The following ADGRG6 variants were observed in gnomAD, a reference collection of about 807,000 sequenced individuals.
ADGRG6 encodes adhesion G protein-coupled receptor G6.
ADGRG6 carries 84 observed loss-of-function variants against 142.4 expected under a neutral mutation model. That is an observed-to-expected ratio of 0.59 (90% confidence interval 0.49 to 0.71). The LOEUF (loss-of-function observed/expected upper bound fraction) is 0.71. Ranked by LOEUF, ADGRG6 falls within the 30% of genes least tolerant of loss-of-function variation. The pLI is 0.00. For synonymous variants in ADGRG6, 521 were observed against 520.5 expected, an observed-to-expected ratio of 1.00 and a Z score of -0.01; for missense variants, 1,367 against 1,466.6, an observed-to-expected ratio of 0.93 and a Z score of 1.11.
At chr6:142,403,456 C>T (rs914698107) in intron 13 of ADGRG6, among the ~76,000 whole-genome samples, 7 of 152,016 alleles carry the variant, frequency 4.6e-5, no homozygotes, top group Admixed American at 6.6e-5. Flanking sequence ...ACACTTTTAT[C>T]GCATTATTTC....
rs373985685 is a variant in ADGRG6, at chr6:142,370,279, C to G, written c.555C>G (p.Leu185=). 6.8e-6 allele frequency: 11 copies of G among 1,613,644 alleles called. No individual in the cohort carries two copies. The African/African-American group carries it at 8.0e-5, about 12-fold the overall frequency. Residue 185 remains leucine (L), a synonymous_variant, in exon 4 of 25, where the codon CTC becomes CTG. Transcript: ENST00000367609. ...ISIPELSAFT[L]CFEATKVGHE... ...TTCCAGAGCTCAGTGCTTTCACACT[C>G]TGCTTTGAAGCAACCAAAGTTGGCC...
intron 1 of ADGRG6, among the ~76,000 whole-genome samples, chr6:142,308,089 G>T (rs1206550149): frequency 1.3e-5 from 2 of 151,868 alleles, no homozygotes; most frequent in African/African-American, 2.4e-5. Context: ...TGATTTCACT[G>T]TGGACAGAAT....
Position 142,367,831 on chromosome 6 carries a change from A to G in ADGRG6, c.366A>G (p.Ser122=). 6.2e-7 allele frequency: 1 copy of G among 1,613,794 alleles called. No homozygotes were observed. The highest frequency in any genetic ancestry group is 8.5e-7 in the Non-Finnish European group (1 of 1,179,728). The change falls in exon 3 of 25, where the codon TCA becomes TCG. Residue 122 remains serine, a synonymous_variant. Transcript: ENST00000367609. ...GATAKGLSFN[S]SANEMHVSFS... ...CTGCCAAAGGCCTATCATTTAACTC[A>G]AGTGCGAATGAGATGCATGTGTCCT...
chr6:142,353,676 T>C (rs931884357), intron 2 of ADGRG6, among the ~76,000 whole-genome samples: 2 of 152,182 alleles, frequency 1.3e-5, no homozygotes, highest in African/African-American at 4.8e-5. Flanking sequence ...TTAATGAGAT[T>C]TCATGTTTCT....
At chr6:142,416,135 T>A in intron 20 of ADGRG6, 71 bp downstream of exon 20, 1 of 1,165,066 alleles carries the variant, frequency 8.6e-7, no homozygotes, top group South Asian at 1.5e-5. Flanking sequence ...TAGGAAAAAA[T>A]CTTATTTAAA....
Position 142,375,186 on chromosome 6 carries a change from G to A in ADGRG6, c.1069+4393G>A, listed in dbSNP as rs373496051. Among the ~76,000 whole-genome samples the A allele has an allele frequency of 3.3e-5, 5 of 152,246 alleles. No homozygotes were observed. The East Asian group carries it at 9.6e-4, about 29-fold the overall frequency. On this transcript the variant is annotated intron_variant, in intron 4 of 24. Coordinates refer to ENST00000367609, the MANE Select transcript of ADGRG6 (RefSeq NM_198569.3). ...CAGTTCTCATAATTTCTTAAACTCT[G>A]TCCCTGAGACTCCTTTCCCAAGCCT...
chr6:142,380,452 A>G lies in ADGRG6; in HGVS notation c.1070-1499A>G, dbSNP rs78897935. ...TGGGATTAACCACTGGAAGAAAGAC[A>G]GAGGGTTCTAGTGCTCATGGTGTTG... On this transcript the variant is annotated intron_variant, in intron 4 of 24. Coordinates refer to ENST00000367609, the MANE Select transcript of ADGRG6 (RefSeq NM_198569.3). 4.8e-3 allele frequency among the ~76,000 whole-genome samples: 731 copies of G among 152,310 alleles called. 9 individuals carry two copies. The highest frequency in any genetic ancestry group is 0.017 in the African/African-American group (693 of 41,564).
intron 2 of ADGRG6, among the ~76,000 whole-genome samples, chr6:142,352,486 G>A (rs561612615): frequency 6.6e-6 from 1 of 152,238 alleles, no homozygotes; most frequent in African/African-American, 2.4e-5. Flanking sequence ...TGGAAAGAGG[G>A]TGTGGGTCCA....
chr6:142,421,450 T>C (rs925457531), intron 22 of ADGRG6, among the ~76,000 whole-genome samples: 4 of 152,200 alleles, frequency 2.6e-5, no homozygotes, highest in Non-Finnish European at 5.9e-5. Context: ...AATACATCTT[T>C]ATTGGGATCT....
At chr6:142,398,444 G>A (rs944451608) in intron 10 of ADGRG6, among the ~76,000 whole-genome samples, 9 of 151,978 alleles carry the variant, frequency 5.9e-5, no homozygotes, top group South Asian at 2.1e-4. Flanking sequence ...AACAGAAAAC[G>A]TCTCCTTCTC....
chr6:142,359,646 C>T (rs1437354338), intron 2 of ADGRG6, among the ~76,000 whole-genome samples: 1 of 152,226 alleles, frequency 6.6e-6, no homozygotes, highest in East Asian at 1.9e-4. Context: ...ATTGTATGAT[C>T]ACAATCTACT....
At chr6:142,308,284 G>A (rs551879536) in intron 1 of ADGRG6, among the ~76,000 whole-genome samples, 2 of 152,076 alleles carry the variant, frequency 1.3e-5, no homozygotes, top group African/African-American at 4.8e-5. Context: ...GGAGGCACAA[G>A]GCGATCAAGC....
chr6:142,388,213 T>C (rs1445526723), intron 6 of ADGRG6, among the ~76,000 whole-genome samples: 1 of 152,200 alleles, frequency 6.6e-6, no homozygotes, highest in African/African-American at 2.4e-5. Flanking sequence ...TGGTTACTTG[T>C]TGACTGCACT....
intron 20 of ADGRG6, 127 bp downstream of exon 20, chr6:142,416,191 GGATT>G (rs1246722901): frequency 3.0e-6 from 2 of 666,660 alleles, no homozygotes; most frequent in African/African-American, 3.6e-5. Context: ...TGAATGGCAT[GGATT>G]AGATATACAT....
chr6:142,311,712 T>C (rs1777777690), intron 2 of ADGRG6, among the ~76,000 whole-genome samples: 1 of 151,948 alleles, frequency 6.6e-6, no homozygotes, highest in Admixed American at 6.6e-5. Context: ...TGGCTTTAAA[T>C]GGTATCTTGA....
intron 12 of ADGRG6, 68 bp from the exon 13 acceptor site, chr6:142,402,552 T>C: frequency 2.5e-6 from 2 of 816,184 alleles, no homozygotes; most frequent in Non-Finnish European, 4.0e-6. Flanking sequence ...CACTCTACTT[T>C]GGATTCCTGG....
chr6:142,413,899 T>TCTCACACACACA (rs200677950), intron 18 of ADGRG6, among the ~76,000 whole-genome samples: 26 of 141,486 alleles, frequency 1.8e-4, no homozygotes, highest in Middle Eastern at 3.5e-3. Flanking sequence ...CATTTCTTTA[T>TCTCACACACACA]CACACACACA....
At chr6:142,305,259 T>A (rs966432697) in intron 1 of ADGRG6, among the ~76,000 whole-genome samples, 3 of 152,164 alleles carry the variant, frequency 2.0e-5, no homozygotes, top group Admixed American at 1.3e-4. Flanking sequence ...GTGAATTTTT[T>A]AACTCTTTTA....
intron 2 of ADGRG6, among the ~76,000 whole-genome samples, chr6:142,353,559 G>A (rs959605806): frequency 3.1e-4 from 47 of 152,058 alleles, no homozygotes; most frequent in African/African-American, 1.1e-3. Flanking sequence ...AATATTACTT[G>A]GATGTTGTAT....
Sources: gnomAD v4.1 joint callset for allele counts (sites outside exome capture counted in the v4.1 genomes callset) on GRCh38, gnomAD v4.1.1 for gene constraint, MANE v1.5 for transcripts, NCBI Gene and HGNC (gene_info 2026-07-23, HGNC 2026-07-21) for gene names.